The following SERINC5 variants were observed in gnomAD, a reference collection of about 807,000 sequenced individuals.
SERINC5 encodes chromosome 5 open reading frame 12.
A neutral mutation model predicts 63.1 loss-of-function variants in SERINC5; 41 were observed. That is an observed-to-expected ratio of 0.65 (90% CI 0.51 to 0.84). SERINC5 has a LOEUF of 0.84. SERINC5 is among the 40% of genes least tolerant of loss of function. The pLI, the probability that SERINC5 is intolerant of heterozygous loss-of-function variation, is 0.00. For missense variants in SERINC5, 523 were observed against 573.0 expected, an observed-to-expected ratio of 0.91 and a Z score of 0.89; for synonymous variants, 222 against 215.2, an observed-to-expected ratio of 1.03 and a Z score of -0.28.
chr5:80,230,033 T>C (rs954615549), intron 1 of SERINC5, among the ~76,000 whole-genome samples: 1 of 152,156 alleles, frequency 6.6e-6, no homozygotes, highest in African/African-American at 2.4e-5. Flanking sequence ...GAGATTTACC[T>C]AGTTGCCAGC....
rs76066325 is a variant in SERINC5 at position 80,143,063 on chromosome 5, T to C, written c.*600A>G. 29,530 of 985,414 alleles carry C rather than the reference T, an allele frequency of 0.03. 532 individuals carry two copies. Among genetic ancestry groups the C allele is most frequent in the Non-Finnish European group, 0.032 (26,869 of 829,968 alleles). 61.0% of individuals were successfully genotyped at this position (985,414 alleles called of 1,614,324 possible). ...TGCAGGCAGAGAGTGAAGTCTGTGA[T>C]TCCCAGCATCACAACCTCAAAGGGA... On this transcript the variant is annotated 3_prime_UTR_variant, in exon 12 of 12. Coordinates refer to ENST00000507668, the MANE Select transcript of SERINC5 (RefSeq NM_001174072.3).
At position 80,139,087 on chromosome 5, in the gene SERINC5, A is replaced by G; in HGVS notation, c.*4576T>C. On this transcript the variant is annotated 3_prime_UTR_variant, in exon 12 of 12. Coordinates refer to ENST00000507668, the MANE Select transcript of SERINC5 (RefSeq NM_001174072.3). The stretch of plus-strand genomic sequence containing the variant: ...CATATCAGAGACCATTATAAATTTC[A>G]AACAGTAGATTTACCACACATATTG... 9.1e-6 allele frequency: 9 copies of G among 984,284 alleles called. No individual in the cohort carries two copies. Among genetic ancestry groups the G allele is most frequent in the Non-Finnish European group, 1.1e-5 (9 of 828,844 alleles). 61.0% of individuals were successfully genotyped at this position (984,284 alleles called of 1,614,324 possible). A position where few individuals can be genotyped will look rare whatever the true frequency, so the allele number is the denominator to read the frequency against.
chr5:80,249,289 T>C (rs1031527335), intron 1 of SERINC5, among the ~76,000 whole-genome samples: 1 of 151,178 alleles, frequency 6.6e-6, no homozygotes, highest in Non-Finnish European at 1.5e-5. Flanking sequence ...CACTCCAGCC[T>C]GGGCAACACA....
chr5:80,173,917 T>C (rs1192982140), intron 5 of SERINC5, among the ~76,000 whole-genome samples: 3 of 152,092 alleles, frequency 2.0e-5, no homozygotes, highest in Non-Finnish European at 4.4e-5. Flanking sequence ...CCTAAAGCCC[T>C]TTGTTTCAAT....
chr5:80,143,932 T>C, intron 11 of SERINC5, 122 bp from the exon 12 acceptor site: 1 of 1,181,962 alleles, frequency 8.5e-7, no homozygotes, highest in Middle Eastern at 2.2e-4. Flanking sequence ...CACAGACTTG[T>C]GCTACCATCA....
chr5:80,185,206 C>G (rs1032625603), intron 2 of SERINC5, among the ~76,000 whole-genome samples: 5 of 152,080 alleles, frequency 3.3e-5, no homozygotes, highest in Non-Finnish European at 7.4e-5. Context: ...CCCCTGAGAA[C>G]AAGGCGTTTC....
chr5:80,204,513 C>A (rs1281878524), intron 1 of SERINC5, among the ~76,000 whole-genome samples: 1 of 152,154 alleles, frequency 6.6e-6, no homozygotes, highest in Non-Finnish European at 1.5e-5. Context: ...ATAGGACATG[C>A]AGGAACAGTT....
chr5:80,228,642 G>A (rs990179623), intron 1 of SERINC5, among the ~76,000 whole-genome samples: 1 of 151,618 alleles, frequency 6.6e-6, no homozygotes, highest in African/African-American at 2.4e-5. Context: ...TTTATTTTTT[G>A]TTTGCTATAC....
At position 80,182,554 on chromosome 5, in the gene SERINC5, C is replaced by G. The variant is rs565020990; in HGVS notation, c.196-4490G>C. ...TTCTATCATCTGACCGCCCCCCCCCCCTCCGCTTTTTTTTAATTGAGACCT... is the reference window on the plus strand; with the variant it reads ...TTCTATCATCTGACCGCCCCCCCCCGCTCCGCTTTTTTTTAATTGAGACCT... On this transcript the variant is annotated intron_variant, in intron 2 of 11. Transcript: ENST00000507668. 4.1e-4 allele frequency among the ~76,000 whole-genome samples: 20 copies of G among 48,418 alleles called. 1 individual carries two copies. The highest frequency in any genetic ancestry group is 5.8e-4 in the African/African-American group (5 of 8,596). 31.8% of individuals were successfully genotyped at this position (48,418 alleles called of 152,430 possible).
chr5:80,162,909 C>T lies in SERINC5; in HGVS notation c.859+3474G>A, dbSNP rs539641529. On this transcript the variant is annotated intron_variant, in intron 7 of 11. Coordinates refer to ENST00000507668, the MANE Select transcript of SERINC5 (RefSeq NM_001174072.3). ...GCTGGGGTGCAGGGGTGCTGTAGTG[C>T]GATCTTGGCTAGTGAGCCAAGATCC... Among the ~76,000 whole-genome samples, 14 of 151,264 alleles carry T rather than the reference C, an allele frequency of 9.3e-5. No individual in the cohort carries two copies. The South Asian group carries it at 1.5e-3, about 16-fold the overall frequency.
Position 80,143,550 on chromosome 5 carries a change from C to CT in SERINC5, c.*112dup. ...AGATTTTTTTTTTTCTCTCTCAAAG[C>CT]TTTTTCAGACCCACTCAGGCACAGG... On this transcript the variant is annotated 3_prime_UTR_variant, in exon 12 of 12. Transcript: ENST00000507668. 1 of 1,357,390 alleles carries CT rather than the reference C, an allele frequency of 7.4e-7. No homozygotes were observed. The highest frequency in any genetic ancestry group is 9.5e-7 in the Non-Finnish European group (1 of 1,056,112). The allele number at this position is 1,357,390 out of a possible 1,614,324, so 84.1% of individuals were successfully genotyped here.
chr5:80,234,027 G>A (rs1011945349), intron 1 of SERINC5, among the ~76,000 whole-genome samples: 1 of 151,936 alleles, frequency 6.6e-6, no homozygotes, highest in Non-Finnish European at 1.5e-5. Flanking sequence ...GGCCAGGCTG[G>A]TCTCAAACTC....
Position 80,178,342 on chromosome 5 carries a change from GCCCCCA to G in SERINC5, c.196-284_196-279del, listed in dbSNP as rs1748178396. Among the ~76,000 whole-genome samples, 4 of 83,464 alleles carry G rather than the reference GCCCCCA, an allele frequency of 4.8e-5. 1 individual carries two copies. The highest frequency in any genetic ancestry group is 2.7e-4 in the Admixed American group (2 of 7,522). 54.8% of individuals were successfully genotyped at this position (83,464 alleles called of 152,430 possible). On this transcript the variant is annotated intron_variant, in intron 2 of 11. Transcript: ENST00000507668. Reference sequence around the variant, plus strand: ...TACAAAAATTACCTTTTTTTTAACCGCCCCCACCCCCACCCCCACCCCACCCCCGAC... The same window carrying G: ...TACAAAAATTACCTTTTTTTTAACCGCCCCCACCCCCACCCCACCCCCGAC...
chr5:80,119,921 T>C lies in SERINC5; in HGVS notation c.1239-6296A>G, dbSNP rs556122930. Among the ~76,000 whole-genome samples, 45 of 152,326 alleles carry C rather than the reference T, an allele frequency of 3.0e-4. No homozygotes were observed. The South Asian group carries it at 8.5e-3, about 29-fold the overall frequency. Reference sequence around the variant, plus strand: ...TAGTCCAACCTAGGTAGGGGCTTGCTACCTAGGAGTCAATATGTAATACTG... The same window carrying C: ...TAGTCCAACCTAGGTAGGGGCTTGCCACCTAGGAGTCAATATGTAATACTG... On this transcript the variant is annotated intron_variant, in intron 11 of 12. Transcript: ENST00000509193.
At chr5:80,184,338 C>G (rs1276877707) in intron 2 of SERINC5, among the ~76,000 whole-genome samples, 1 of 152,158 alleles carries the variant, frequency 6.6e-6, no homozygotes, top group East Asian at 1.9e-4. Flanking sequence ...TATACCAGCC[C>G]ATCTTTCACC....
At chr5:80,230,485 G>C (rs924001349) in intron 1 of SERINC5, among the ~76,000 whole-genome samples, 2 of 133,958 alleles carry the variant, frequency 1.5e-5, no homozygotes, top group Admixed American at 1.6e-4. Context: ...CTTCAAATTT[G>C]TTTGCCAACT....
intron 5 of SERINC5, 39 bp from the exon 6 acceptor site, chr5:80,169,585 AGAC>A: frequency 1.3e-6 from 2 of 1,541,714 alleles, no homozygotes; most frequent in Non-Finnish European, 1.8e-6. Context: ...AGAGGAGAGA[AGAC>A]AAGTCAACGA....
intron 1 of SERINC5, 126 bp downstream of exon 1, chr5:80,255,770 G>T: frequency 1.0e-6 from 1 of 983,082 alleles, no homozygotes; most frequent in Non-Finnish European, 1.5e-6. Context: ...GCCAGCCCGA[G>T]CGACCCACCC....
At chr5:80,136,578 T>C (rs945417102), downstream of SERINC5, among the ~76,000 whole-genome samples, 14 of 152,202 alleles carry the variant, frequency 9.2e-5, no homozygotes, top group African/African-American at 3.4e-4. Flanking sequence ...AACCCGAAAC[T>C]AAAGCTAGGC....
Sources: gnomAD v4.1 joint callset for allele counts (sites outside exome capture counted in the v4.1 genomes callset) on GRCh38, gnomAD v4.1.1 for gene constraint, MANE v1.5 for transcripts, NCBI Gene and HGNC (gene_info 2026-07-23, HGNC 2026-07-21) for gene names.